Variants in PPARG observed in about 807,000 individuals in gnomAD.
PPARG encodes the protein peroxisome proliferator activated receptor gamma.
Under a neutral mutation model 39.2 loss-of-function variants are expected in PPARG, and 17 were observed. The observed-to-expected ratio is 0.43, with a 90% CI of 0.30 to 0.65. PPARG has a LOEUF of 0.65. PPARG is among the 30% of genes least tolerant of loss of function. The pLI, the probability that PPARG is intolerant of heterozygous loss-of-function variation, is 0.13. For synonymous variants in PPARG, 223 were observed against 215.7 expected, an observed-to-expected ratio of 1.03 and a Z score of -0.30; for missense variants, 406 against 585.9, an observed-to-expected ratio of 0.69 and a Z score of 3.17.
intron 6 of PPARG, among the ~76,000 whole-genome samples, chr3:12,409,610 T>A (rs2050803614): frequency 6.9e-6 from 1 of 144,340 alleles, no homozygotes; most frequent in South Asian, 2.2e-4. Context: ...GGGTGGGAGG[T>A]ATATAAAAGT....
intron 5 of PPARG, among the ~76,000 whole-genome samples, chr3:12,396,245 C>T (rs2050254740): frequency 6.6e-6 from 1 of 152,028 alleles, no homozygotes; most frequent in Non-Finnish European, 1.5e-5. Flanking sequence ...CCTTAGCCTC[C>T]TGAGTAGCTG....
At chr3:12,365,352 T>C (rs1378633327) in intron 2 of PPARG, among the ~76,000 whole-genome samples, 1 of 152,340 alleles carries the variant, frequency 6.6e-6, no homozygotes, top group East Asian at 1.9e-4. Context: ...CTCTTGACAC[T>C]GTTTTGCACA....
At position 12,379,810 on chromosome 3, in the gene PPARG, G is replaced by A. The variant is rs753619817; in HGVS notation, c.99G>A (p.Lys33=). The change falls in exon 3 of 8, where the codon AAG becomes AAA. Residue 33 remains lysine (K), a synonymous_variant. Transcript: ENST00000651735. ...MEDHSHSFDI[K]PFTTVDFSSI... Reference sequence around the variant, plus strand: ...ACCACTCCCACTCCTTTGATATCAAGCCCTTCACTACTGTTGACTTCTCCA... The same window carrying A: ...ACCACTCCCACTCCTTTGATATCAAACCCTTCACTACTGTTGACTTCTCCA... 3 of 1,613,966 alleles carry A rather than the reference G, an allele frequency of 1.9e-6. No individual in the cohort carries two copies. Among genetic ancestry groups the A allele is most frequent in the African/African-American group, 2.7e-5 (2 of 75,022 alleles).
rs1021427084 is a variant in PPARG, at chr3:12,316,720, C to CT, written c.-9+4278dup. ...TAGAGGACCATTAATCCTTAGGAAC[C>CT]TTTTTTTTTTTAAAAAATCTAAAGA... On this transcript the variant is annotated intron_variant, in intron 2 of 7. Transcript: ENST00000651735. Among the ~76,000 whole-genome samples the CT allele has an allele frequency of 4.2e-4, 63 of 148,974 alleles. 1 individual carries two copies. In the Middle Eastern group the frequency reaches 0.01, roughly 24 times the overall value.
chr3:12,309,135 G>C (rs1291308294), intron 1 of PPARG, among the ~76,000 whole-genome samples: 1 of 152,124 alleles, frequency 6.6e-6, no homozygotes, highest in Non-Finnish European at 1.5e-5. Context: ...TAGGGAACAA[G>C]TTATCTATAG....
At chr3:12,377,164 A>G (rs927974552) in intron 2 of PPARG, among the ~76,000 whole-genome samples, 1 of 152,206 alleles carries the variant, frequency 6.6e-6, no homozygotes, top group African/African-American at 2.4e-5. Context: ...ACAATAAATC[A>G]TGTTTAGAAA....
intron 7 of PPARG, among the ~76,000 whole-genome samples, chr3:12,419,464 T>G (rs559708646): frequency 3.5e-4 from 53 of 152,084 alleles, no homozygotes; most frequent in Admixed American, 5.9e-4. Flanking sequence ...GTATTTTATT[T>G]TACTTCATTT....
In PPARG at chr3:12,361,466, A is replaced by G. The variant is rs1009658094; in HGVS notation, c.-8-18238A>G. ...TGATAAAGTGTGTTTTTATTTTAAA[A>G]GTTTTCTGGTTTTATATTTCACATT... is the stretch of plus-strand genomic sequence containing the variant. On this transcript the variant is annotated intron_variant, in intron 2 of 7. Coordinates refer to ENST00000651735, the MANE Select transcript of PPARG (RefSeq NM_138711.6). 3.3e-5 allele frequency among the ~76,000 whole-genome samples: 5 copies of G among 152,176 alleles called. 1 individual carries two copies. Among genetic ancestry groups the G allele is most frequent in the African/African-American group, 1.2e-4 (5 of 41,448 alleles).
intron 7 of PPARG, among the ~76,000 whole-genome samples, chr3:12,425,545 C>T (rs1175544): frequency 0.26 from 38,971 of 151,956 alleles, 5,740 homozygotes; most frequent in East Asian, 0.4. Flanking sequence ...AGCCACCAGA[C>T]GGATTCAGGG....
intron 1 of PPARG, among the ~76,000 whole-genome samples, chr3:12,294,896 A>G (rs953029766): frequency 1.3e-5 from 2 of 152,216 alleles, no homozygotes; most frequent in African/African-American, 4.8e-5. Context: ...TCTGTCTCGA[A>G]ATAATAATAA....
At chr3:12,338,536 T>C (rs2048082662) in intron 2 of PPARG, among the ~76,000 whole-genome samples, 1 of 152,238 alleles carries the variant, frequency 6.6e-6, no homozygotes, top group African/African-American at 2.4e-5. Flanking sequence ...TTGTAAACTA[T>C]GTTTATAGCT....
chr3:12,329,307 A>G lies in PPARG; in HGVS notation c.-9+16854A>G, dbSNP rs142378512. On this transcript the variant is annotated intron_variant, in intron 2 of 7. Transcript: ENST00000651735. The stretch of plus-strand genomic sequence containing the variant: ...AGGAAATCAGAATATTTTGATTTGT[A>G]GTTCAACTGTTGATCAATTATCTTT... Among the ~76,000 whole-genome samples, 748 of 152,302 alleles carry G rather than the reference A, an allele frequency of 4.9e-3. 3 individuals are homozygous for G. Among genetic ancestry groups the G allele is most frequent in the Non-Finnish European group, 7.9e-3 (540 of 68,014 alleles).
At chr3:12,417,779 G>A (rs2051112337) in intron 7 of PPARG, among the ~76,000 whole-genome samples, 2 of 149,270 alleles carry the variant, frequency 1.3e-5, no homozygotes, top group Middle Eastern at 3.8e-3. Flanking sequence ...AATAAATTTA[G>A]TTATTTAGCA....
chr3:12,339,645 C>G (rs994635078), intron 2 of PPARG, among the ~76,000 whole-genome samples: 3 of 152,162 alleles, frequency 2.0e-5, no homozygotes, highest in Non-Finnish European at 4.4e-5. Context: ...TGGATTCTAG[C>G]TTTGACTTTG....
At chr3:12,418,628 A>G (rs548737949) in intron 7 of PPARG, among the ~76,000 whole-genome samples, 63 of 152,324 alleles carry the variant, frequency 4.1e-4, no homozygotes, top group Admixed American at 3.3e-3. Flanking sequence ...TATTTATTCA[A>G]TCCTCACAAC....
At chr3:12,352,631 A>T (rs997934547) in intron 2 of PPARG, among the ~76,000 whole-genome samples, 3 of 152,218 alleles carry the variant, frequency 2.0e-5, no homozygotes, top group African/African-American at 7.2e-5. Flanking sequence ...CATTAAAATT[A>T]AGTCACTTAA....
chr3:12,392,572 TCATA>T, intron 4 of PPARG, 38 bp from the exon 5 acceptor site: 1 of 1,611,094 alleles, frequency 6.2e-7, no homozygotes, highest in Non-Finnish European at 8.5e-7. Flanking sequence ...CTTCCATGTG[TCATA>T]AAGACTTAAA....
intron 7 of PPARG, among the ~76,000 whole-genome samples, chr3:12,425,921 G>C (rs1408963859): frequency 1.3e-5 from 2 of 152,190 alleles, no homozygotes; most frequent in African/African-American, 4.8e-5. Context: ...AAATGACAGA[G>C]CCCATGCTCA....
intron 1 of PPARG, among the ~76,000 whole-genome samples, chr3:12,298,684 T>G (rs2046855319): frequency 6.6e-6 from 1 of 152,206 alleles, no homozygotes; most frequent in South Asian, 2.1e-4. Flanking sequence ...TTGGGATGAT[T>G]TCATCCTTAA....
Sources: gnomAD v4.1 joint callset for allele counts (sites outside exome capture counted in the v4.1 genomes callset) on GRCh38, gnomAD v4.1.1 for gene constraint, MANE v1.5 for transcripts, NCBI Gene and HGNC (gene_info 2026-07-23, HGNC 2026-07-21) for gene names.